The following RANBP2 variants were observed in gnomAD, a reference collection of about 807,000 sequenced individuals.
RANBP2 encodes the protein RAN binding protein 2.
Under a neutral mutation model 303.6 loss-of-function variants are expected in RANBP2, and 57 were observed. The observed-to-expected ratio is 0.19, with a 90% CI of 0.15 to 0.23. The LOEUF is 0.23. RANBP2 is among the 10% of genes least tolerant of loss of function. The probability of loss-of-function intolerance (pLI) is 1.00; values close to 1 mark genes in which losing one functional copy is unlikely to be tolerated. For synonymous variants in RANBP2, 1,167 were observed against 1,301.5 expected, an observed-to-expected ratio of 0.90 and a Z score of 2.23; for missense variants, 3,138 against 3,780.8, an observed-to-expected ratio of 0.83 and a Z score of 4.46.
At chr2:109,647,884 A>T in the RANBP2 span, among the ~76,000 whole-genome samples, 2 of 152,202 alleles carry the variant, frequency 1.3e-5, no homozygotes, top group South Asian at 4.1e-4. Flanking sequence ...TTTGAGAACA[A>T]GCATCATTCC....
chr2:108,729,717 C>CTT (rs34977300), intron 2 of RANBP2, among the ~76,000 whole-genome samples: 49 of 135,246 alleles, frequency 3.6e-4, no homozygotes, highest in African/African-American at 1.2e-3. Context: ...GGGAGTCAGG[C>CTT]TTTTTTTTTT....
At chr2:108,909,421 G>A in the RANBP2 span, among the ~76,000 whole-genome samples, 2 of 152,252 alleles carry the variant, frequency 1.3e-5, no homozygotes, top group South Asian at 2.1e-4. Context: ...ATGCTGGATC[G>A]ATTGGAATGG....
At chr2:109,161,600 T>G in the RANBP2 span, among the ~76,000 whole-genome samples, 2 of 151,904 alleles carry the variant, frequency 1.3e-5, no homozygotes, top group African/African-American at 4.8e-5. Context: ...TGGGTCACAA[T>G]TCTGCTGACT....
chr2:108,772,747 T>G (rs1481564265), intron 22 of RANBP2, 121 bp from the exon 23 acceptor site: 8 of 1,247,838 alleles, frequency 6.4e-6, no homozygotes, highest in African/African-American at 1.5e-5. Flanking sequence ...TGGTCCTTGT[T>G]TTTCATTAGT....
the RANBP2 span, among the ~76,000 whole-genome samples, chr2:109,761,917 A>G: frequency 1.3e-5 from 2 of 151,562 alleles, no homozygotes; most frequent in Non-Finnish European, 2.9e-5. Context: ...TGAATATGCA[A>G]TGTACAATTT....
At chr2:109,648,272 C>T in the RANBP2 span, among the ~76,000 whole-genome samples, 1 of 152,192 alleles carries the variant, frequency 6.6e-6, no homozygotes, top group African/African-American at 2.4e-5. Context: ...TGGCTGGCTG[C>T]AGCCTGGCAG....
chr2:109,269,344 C>G, the RANBP2 span, among the ~76,000 whole-genome samples: 1 of 152,224 alleles, frequency 6.6e-6, no homozygotes, highest in Non-Finnish European at 1.5e-5. Flanking sequence ...CCCGGGAGAA[C>G]AGAGGGAGCC....
chr2:108,905,457 A>G, the RANBP2 span, among the ~76,000 whole-genome samples: 1 of 131,412 alleles, frequency 7.6e-6, no homozygotes, highest in African/African-American at 2.9e-5. Context: ...CAGTATAGTT[A>G]TTTCTGGCCA....
chr2:109,638,594 C>G, the RANBP2 span, among the ~76,000 whole-genome samples: 1 of 152,158 alleles, frequency 6.6e-6, no homozygotes, highest in South Asian at 2.1e-4. Flanking sequence ...TTAGATTTAG[C>G]TTTCAAGCAT....
the RANBP2 span, among the ~76,000 whole-genome samples, chr2:108,797,266 C>G: frequency 1.3e-5 from 2 of 152,074 alleles, no homozygotes; most frequent in Non-Finnish European, 2.9e-5. Context: ...GCCTGAGAAG[C>G]CATGGCCAGA....
chr2:108,971,384 T>G, the RANBP2 span, among the ~76,000 whole-genome samples: 1 of 152,134 alleles, frequency 6.6e-6, no homozygotes, highest in East Asian at 1.9e-4. Flanking sequence ...AAAATCTTCA[T>G]TGTAACAAGA....
chr2:109,470,437 T>C, the RANBP2 span, among the ~76,000 whole-genome samples: 1 of 152,228 alleles, frequency 6.6e-6, no homozygotes, highest in African/African-American at 2.4e-5. Flanking sequence ...CTCTTCCTTA[T>C]TGCACGTCTG....
chr2:108,965,332 T>C, the RANBP2 span, among the ~76,000 whole-genome samples: 2 of 151,886 alleles, frequency 1.3e-5, no homozygotes, highest in Non-Finnish European at 2.9e-5. Context: ...AAAAACAAAA[T>C]TAGCTGGGCG....
the RANBP2 span, among the ~76,000 whole-genome samples, chr2:108,849,126 C>T: frequency 1.2e-4 from 18 of 152,056 alleles, no homozygotes; most frequent in Non-Finnish European, 2.1e-4. Context: ...TGCAGACAAA[C>T]GACTAGTGAA....
chr2:109,068,860 A>G, the RANBP2 span, among the ~76,000 whole-genome samples: 1 of 152,130 alleles, frequency 6.6e-6, no homozygotes, highest in Non-Finnish European at 1.5e-5. Context: ...AGTACTAAAT[A>G]CCTTCCAGCT....
chr2:108,862,001 T>G, the RANBP2 span, among the ~76,000 whole-genome samples: 1 of 152,086 alleles, frequency 6.6e-6, no homozygotes, highest in African/African-American at 2.4e-5. Context: ...TGTTTATATG[T>G]TTTTGAGAGT....
At chr2:109,106,813 G>T in the RANBP2 span, among the ~76,000 whole-genome samples, 1 of 151,902 alleles carries the variant, frequency 6.6e-6, no homozygotes, top group African/African-American at 2.4e-5. Flanking sequence ...CTCCATTCTG[G>T]GTGACAGAGC....
At chr2:108,777,801 T>C (rs1677989903) in intron 25 of RANBP2, among the ~76,000 whole-genome samples, 1 of 152,174 alleles carries the variant, frequency 6.6e-6, no homozygotes, top group South Asian at 2.1e-4. Context: ...TTTTTCATTC[T>C]TGTAATATCT....
chr2:108,990,817 G>A, the RANBP2 span, among the ~76,000 whole-genome samples: 2 of 152,274 alleles, frequency 1.3e-5, no homozygotes, highest in African/African-American at 4.8e-5. Context: ...TGCTCATGCC[G>A]AGTTCAGACT....
Sources: allele counts gnomAD v4.1 joint callset (sites outside exome capture counted in the v4.1 genomes callset), GRCh38; gene constraint gnomAD v4.1.1; transcripts MANE v1.5; gene names NCBI Gene and HGNC (gene_info 2026-07-23, HGNC 2026-07-21).